Variants in TRPM3 observed in about 807,000 individuals in gnomAD.
The protein encoded by TRPM3 is long transient receptor potential channel 3.
In TRPM3, 77 loss-of-function variants were observed where a neutral mutation model predicts 181.2. That is an observed-to-expected ratio of 0.42 (90% CI 0.35 to 0.51). The LOEUF (loss-of-function observed/expected upper bound fraction) is 0.51. Among genes scored for constraint, TRPM3 ranks in the 20% least tolerant of loss-of-function variants. The probability of loss-of-function intolerance (pLI) is 0.01; values close to 1 mark genes in which losing one functional copy is unlikely to be tolerated. For synonymous variants in TRPM3, 745 were observed against 796.4 expected (o/e 0.94, Z 1.09); for missense variants, 1,759 against 2,196.7 (o/e 0.80, Z 3.98).
intron 1 of TRPM3, among the ~76,000 whole-genome samples, chr9:71,381,616 G>A (rs2092802472): frequency 6.6e-6 from 1 of 152,130 alleles, no homozygotes; most frequent in African/African-American, 2.4e-5. Context: ...GTAAACCTAT[G>A]TAGCAGCACA....
At chr9:70,565,529 G>A (rs750699652) in intron 22 of TRPM3, among the ~76,000 whole-genome samples, 2 of 151,884 alleles carry the variant, frequency 1.3e-5, no homozygotes, top group Non-Finnish European at 2.9e-5. Context: ...CTGACCTCAT[G>A]TGATCCACCC....
chr9:71,273,821 G>C (rs2083985024), intron 1 of TRPM3, among the ~76,000 whole-genome samples: 1 of 152,132 alleles, frequency 6.6e-6, no homozygotes, highest in African/African-American at 2.4e-5. Flanking sequence ...TATGAAATCT[G>C]TTCTTTAGGC....
At chr9:71,430,215 A>T (rs2093934429) in intron 1 of TRPM3, among the ~76,000 whole-genome samples, 1 of 152,240 alleles carries the variant, frequency 6.6e-6, no homozygotes, top group African/African-American at 2.4e-5. Context: ...ATTGTTGTAC[A>T]AATTGAATGA....
chr9:71,408,222 G>A (rs10781018), intron 1 of TRPM3, among the ~76,000 whole-genome samples: 68,204 of 152,084 alleles, frequency 0.45, 16,939 homozygotes, highest in East Asian at 0.59. Context: ...CTCCTCGCCA[G>A]AAACAGAACA....
At chr9:70,765,515 A>C (rs915592074) in intron 7 of TRPM3, among the ~76,000 whole-genome samples, 2 of 152,132 alleles carry the variant, frequency 1.3e-5, no homozygotes, top group African/African-American at 4.8e-5. Flanking sequence ...GCTTGAGCCT[A>C]GGAGGCAGAA....
intron 9 of TRPM3, among the ~76,000 whole-genome samples, chr9:70,648,470 A>G (rs949853999): frequency 6.6e-6 from 1 of 152,174 alleles, no homozygotes; most frequent in Admixed American, 6.5e-5. Context: ...CATCTCAGAA[A>G]AAAAGCAAAG....
chr9:70,876,209 T>C (rs1462880577), intron 1 of TRPM3, among the ~76,000 whole-genome samples: 2 of 151,592 alleles, frequency 1.3e-5, no homozygotes, highest in Non-Finnish European at 1.5e-5. Context: ...TACCTCAGTG[T>C]GTTAATATTA....
intron 1 of TRPM3, among the ~76,000 whole-genome samples, chr9:70,912,078 A>G (rs1202319602): frequency 6.6e-6 from 1 of 152,186 alleles, no homozygotes; most frequent in Non-Finnish European, 1.5e-5. Context: ...CAAAATAATC[A>G]GTGTGGATTC....
chr9:71,200,618 C>T (rs1301692142), intron 1 of TRPM3, among the ~76,000 whole-genome samples: 3 of 152,130 alleles, frequency 2.0e-5, no homozygotes, highest in Admixed American at 6.5e-5. Flanking sequence ...ATCCCTTTAC[C>T]GTTATGTAAT....
At chr9:71,072,262 T>C (rs1370193167) in intron 1 of TRPM3, among the ~76,000 whole-genome samples, 4 of 152,194 alleles carry the variant, frequency 2.6e-5, no homozygotes, top group African/African-American at 4.8e-5. Context: ...GGCCACAGTT[T>C]GCTTTTAGGG....
intron 6 of TRPM3, among the ~76,000 whole-genome samples, chr9:70,824,059 A>G (rs1338176936): frequency 2.0e-5 from 3 of 152,230 alleles, no homozygotes; most frequent in African/African-American, 4.8e-5. Flanking sequence ...CATGTTGATG[A>G]AAAAGCATTT....
At chr9:70,832,500 C>T (rs2094005624) in intron 5 of TRPM3, among the ~76,000 whole-genome samples, 1 of 152,054 alleles carries the variant, frequency 6.6e-6, no homozygotes, top group Non-Finnish European at 1.5e-5. Flanking sequence ...TGATAAAATT[C>T]TGGTTCTGTA....
At chr9:71,140,958 T>C (rs1304574128) in intron 1 of TRPM3, among the ~76,000 whole-genome samples, 1 of 152,166 alleles carries the variant, frequency 6.6e-6, no homozygotes, top group Non-Finnish European at 1.5e-5. Context: ...TCAAATGTAA[T>C]TAGTTTCTAT....
At chr9:71,118,133 A>T (rs927460231) in intron 1 of TRPM3, among the ~76,000 whole-genome samples, 25 of 152,324 alleles carry the variant, frequency 1.6e-4, no homozygotes, top group Non-Finnish European at 2.9e-4. Context: ...ATGATGTAGA[A>T]AGGGTCCCAT....
intron 1 of TRPM3, among the ~76,000 whole-genome samples, chr9:71,293,565 A>G (rs865809229): frequency 6.6e-6 from 1 of 151,730 alleles, no homozygotes; most frequent in African/African-American, 2.4e-5. Context: ...GAAAGACTCT[A>G]AGAGAGACCT....
chr9:70,841,971 G>A (rs774232529), intron 5 of TRPM3, among the ~76,000 whole-genome samples: 36 of 151,806 alleles, frequency 2.4e-4, no homozygotes, highest in East Asian at 1.9e-4. Flanking sequence ...TGTTGGGTAC[G>A]ATGTTCACTA....
chr9:71,120,120 CA>C (rs2073296696), intron 1 of TRPM3, among the ~76,000 whole-genome samples: 2 of 152,192 alleles, frequency 1.3e-5, no homozygotes, highest in South Asian at 4.1e-4. Context: ...ATCCTCAGAA[CA>C]AAATTCTCCA....
chr9:71,215,033 C>CAAAAAAAAAAAAAAAA (rs67349189), intron 1 of TRPM3, among the ~76,000 whole-genome samples: 1 of 105,816 alleles, frequency 9.5e-6, no homozygotes, highest in African/African-American at 4.0e-5. Context: ...CACCAAAAAA[C>CAAAAAAAAAAAAAAAA]AAAAAAAAAA....
chr9:70,670,520 T>C (rs1264662616), intron 9 of TRPM3, among the ~76,000 whole-genome samples: 1 of 152,252 alleles, frequency 6.6e-6, no homozygotes, highest in Non-Finnish European at 1.5e-5. Context: ...TATTTTAAGG[T>C]AGCTTAGCAT....
Sources: allele counts gnomAD v4.1 joint callset (sites outside exome capture counted in the v4.1 genomes callset), GRCh38; gene constraint gnomAD v4.1.1; transcripts MANE v1.5; gene names NCBI Gene and HGNC (gene_info 2026-07-23, HGNC 2026-07-21).